Variants in NWD2 observed in about 807,000 individuals in gnomAD.
The protein encoded by NWD2 is NACHT and WD repeat domain containing 2.
In NWD2, 37 loss-of-function variants were observed where a neutral mutation model predicts 132.7. That is an observed-to-expected ratio of 0.28 (90% CI 0.21 to 0.37). The LOEUF is 0.37. NWD2 is among the 10% of genes least tolerant of loss of function. NWD2 has a pLI of 1.00. For synonymous variants in NWD2, 705 were observed against 803.0 expected, an observed-to-expected ratio of 0.88 and a Z score of 2.06; for missense variants, 1,592 against 2,122.4, an observed-to-expected ratio of 0.75 and a Z score of 4.91.
intron 1 of NWD2, among the ~76,000 whole-genome samples, chr4:37,317,778 C>T (rs1211794235): frequency 6.6e-6 from 1 of 152,144 alleles, no homozygotes; most frequent in Non-Finnish European, 1.5e-5. Flanking sequence ...TGCCATACTC[C>T]ATCAAGTATT....
chr4:37,396,194 A>AGTGGAACTCTCCTTCCT (rs1720789140), intron 3 of NWD2, among the ~76,000 whole-genome samples: 1 of 152,142 alleles, frequency 6.6e-6, no homozygotes, highest in Non-Finnish European at 1.5e-5. Context: ...GGAGGCTTTT[A>AGTGGAACTCTCCTTCCT]GTGGAACTCT....
intron 3 of NWD2, among the ~76,000 whole-genome samples, chr4:37,359,147 G>C (rs79320009): frequency 0.024 from 3,616 of 152,216 alleles, 165 homozygotes; most frequent in African/African-American, 0.082. Context: ...CCAATAATTT[G>C]CTGGTAGGAG....
intron 3 of NWD2, among the ~76,000 whole-genome samples, chr4:37,413,789 C>A (rs1295246917): frequency 1.3e-5 from 2 of 152,066 alleles, no homozygotes; most frequent in Non-Finnish European, 2.9e-5. Context: ...TACTATGCAG[C>A]CATAAAAAAG....
intron 3 of NWD2, among the ~76,000 whole-genome samples, chr4:37,382,521 T>C (rs1720473054): frequency 6.6e-6 from 1 of 152,106 alleles, no homozygotes; most frequent in South Asian, 2.1e-4. Flanking sequence ...GCATCAAATT[T>C]TATTTGAGAG....
At chr4:37,362,419 A>G (rs573355652) in intron 3 of NWD2, among the ~76,000 whole-genome samples, 113 of 152,196 alleles carry the variant, frequency 7.4e-4, no homozygotes, top group Non-Finnish European at 1.3e-3. Flanking sequence ...ACTTCAAACT[A>G]TGCTATAAGG....
chr4:37,397,478 C>T (rs536914070), intron 3 of NWD2, among the ~76,000 whole-genome samples: 3 of 152,208 alleles, frequency 2.0e-5, no homozygotes, highest in East Asian at 3.9e-4. Flanking sequence ...AGACTGAGGT[C>T]CCTCAGGAAG....
Position 37,397,917 on chromosome 4 carries a change from A to G in NWD2, c.358-32655A>G, listed in dbSNP as rs565094535. On this transcript the variant is annotated intron_variant, in intron 3 of 6. Coordinates refer to ENST00000309447, the MANE Select transcript of NWD2 (RefSeq NM_001144990.2). ...GCTGTAGAAGGGTCTCATTGTGAGC[A>G]CTCATTTGGTGGAAGCCTATCTTCC... Among the ~76,000 whole-genome samples, 8 of 151,980 alleles carry G rather than the reference A, an allele frequency of 5.3e-5. No homozygotes were observed. In the East Asian group the frequency reaches 1.6e-3, roughly 29 times the overall value.
At chr4:37,376,522 G>T (rs1720353351) in intron 3 of NWD2, among the ~76,000 whole-genome samples, 1 of 152,144 alleles carries the variant, frequency 6.6e-6, no homozygotes, top group South Asian at 2.1e-4. Context: ...CTTCCAGCTT[G>T]TAGGAGGTGG....
chr4:37,266,259 T>C lies in NWD2; in HGVS notation c.151+21041T>C, dbSNP rs1577648650. Among the ~76,000 whole-genome samples the C allele has an allele frequency of 2.0e-5, 3 of 152,206 alleles. No individual in the cohort carries two copies. The South Asian group carries it at 6.2e-4, about 32-fold the overall frequency. ...ACATTTAAGCAAGATCTGGAGCCAC[T>C]GTTAACTCAAGTAATTGAATTGTTT... On this transcript the variant is annotated intron_variant, in intron 1 of 6. Coordinates refer to ENST00000309447, the MANE Select transcript of NWD2 (RefSeq NM_001144990.2).
At chr4:37,354,431 G>A (rs1577677538) in intron 2 of NWD2, among the ~76,000 whole-genome samples, 1 of 152,166 alleles carries the variant, frequency 6.6e-6, no homozygotes, top group Non-Finnish European at 1.5e-5. Context: ...TAAGTCTGCC[G>A]AAGCTGTGCC....
chr4:37,275,719 C>G (rs891866898), intron 1 of NWD2, among the ~76,000 whole-genome samples: 1 of 152,012 alleles, frequency 6.6e-6, no homozygotes, highest in Non-Finnish European at 1.5e-5. Flanking sequence ...GTCCTGGTAC[C>G]AAAACAGCAT....
intron 1 of NWD2, among the ~76,000 whole-genome samples, chr4:37,294,037 C>T (rs1206515475): frequency 2.6e-5 from 4 of 152,072 alleles, no homozygotes; most frequent in Non-Finnish European, 5.9e-5. Context: ...AGAGGTGTTC[C>T]ACAAATCACA....
chr4:37,299,765 C>G (rs986160493), intron 1 of NWD2, among the ~76,000 whole-genome samples: 1 of 152,130 alleles, frequency 6.6e-6, no homozygotes, highest in Non-Finnish European at 1.5e-5. Context: ...ATTTTGGACA[C>G]TTGATGAAAG....
chr4:37,345,020 A>G (rs1719607446), intron 2 of NWD2, among the ~76,000 whole-genome samples: 1 of 152,140 alleles, frequency 6.6e-6, no homozygotes, highest in South Asian at 2.1e-4. Flanking sequence ...TTCAAGGTTC[A>G]TCCATGTGGT....
At chr4:37,353,224 GT>G (rs1373324955) in intron 2 of NWD2, among the ~76,000 whole-genome samples, 4 of 152,314 alleles carry the variant, frequency 2.6e-5, no homozygotes, top group Admixed American at 1.3e-4. Flanking sequence ...GAGATTTACT[GT>G]TTGTCTAATG....
intron 1 of NWD2, among the ~76,000 whole-genome samples, chr4:37,263,676 T>C (rs1165301722): frequency 6.6e-6 from 1 of 151,246 alleles, no homozygotes; most frequent in Non-Finnish European, 1.5e-5. Flanking sequence ...AGAGTAGAAG[T>C]AGAATTATTT....
At chr4:37,321,969 G>T (rs1209466801) in intron 1 of NWD2, among the ~76,000 whole-genome samples, 1 of 152,098 alleles carries the variant, frequency 6.6e-6, no homozygotes, top group Non-Finnish European at 1.5e-5. Context: ...TTTACCTCAT[G>T]ACACCAACTA....
At chr4:37,289,113 A>G (rs1029796829) in intron 1 of NWD2, among the ~76,000 whole-genome samples, 1 of 152,102 alleles carries the variant, frequency 6.6e-6, no homozygotes, top group Non-Finnish European at 1.5e-5. Context: ...AATCCCTGAG[A>G]TTGTCAGTGA....
intron 3 of NWD2, among the ~76,000 whole-genome samples, chr4:37,387,808 G>A (rs1445836407): frequency 6.6e-6 from 1 of 151,498 alleles, no homozygotes; most frequent in African/African-American, 2.4e-5. Context: ...CTGAGTAGGT[G>A]GGATTACAGG....
Sources: allele counts gnomAD v4.1 joint callset (sites outside exome capture counted in the v4.1 genomes callset), GRCh38; gene constraint gnomAD v4.1.1; transcripts MANE v1.5; gene names NCBI Gene and HGNC (gene_info 2026-07-23, HGNC 2026-07-21).